Variants in PLCG2 observed in about 807,000 individuals in gnomAD.
PLCG2 encodes the protein 1-phosphatidylinositol 4,5-bisphosphate phosphodiesterase gamma-2.
PLCG2 carries 69 observed loss-of-function variants against 175.6 expected under a neutral mutation model. The observed-to-expected ratio is 0.39, with a 90% CI of 0.32 to 0.48. PLCG2 has a LOEUF of 0.48. PLCG2 is among the 20% of genes least tolerant of loss of function. PLCG2 has a pLI of 0.91. For synonymous variants in PLCG2, 827 were observed against 624.0 expected (o/e 1.33, Z -4.85); for missense variants, 1,798 against 1,650.9 (o/e 1.09, Z -1.54).
In PLCG2 at chr16:81,883,415, C is replaced by T. The variant is rs148529019; in HGVS notation, c.765+74C>T. Reference sequence around the variant, plus strand: ...CTGGGGACTAGTCTCACCCTTCTGCCGCCTGTGCTCACCTGGTCACCTGTG... The same window carrying T: ...CTGGGGACTAGTCTCACCCTTCTGCTGCCTGTGCTCACCTGGTCACCTGTG... On this transcript the variant is annotated intron_variant, in intron 9 of 32. Transcript: ENST00000564138. 5.9e-4 allele frequency: 736 copies of T among 1,246,214 alleles called. 1 individual carries two copies. The African/African-American group carries it at 8.1e-3, about 14-fold the overall frequency. The allele number at this position is 1,246,214 out of a possible 1,614,324, so 77.2% of individuals were successfully genotyped here.
intron 1 of PLCG2, chr16:81,740,129 C>G (rs1597299163): frequency 1.0e-5 from 1 of 100,204 alleles, no homozygotes; most frequent in African/African-American, 3.6e-5. Context: ...CAAAGCAAGA[C>G]TCTGTCTCCA....
At chr16:81,898,218 A>C (rs62044001) in intron 13 of PLCG2, 8,941 of 188,848 alleles carry the variant, frequency 0.047, 303 homozygotes, top group Non-Finnish European at 0.069. Flanking sequence ...GGAATCATCT[A>C]ACACCTATAG....
chr16:81,916,929 C>T (rs988086792), intron 19 of PLCG2, among the ~76,000 whole-genome samples: 7 of 152,320 alleles, frequency 4.6e-5, no homozygotes, highest in East Asian at 1.9e-4. Context: ...TGAGCCACCA[C>T]GCCCGGCCAG....
intron 23 of PLCG2, among the ~76,000 whole-genome samples, chr16:81,928,004 AG>A (rs1910347581): frequency 7.0e-6 from 1 of 141,882 alleles, no homozygotes; most frequent in East Asian, 2.2e-4. Context: ...GGTGCAGGCA[AG>A]GAGTGGATGC....
intron 2 of PLCG2, among the ~76,000 whole-genome samples, chr16:81,795,810 C>T (rs896716208): frequency 6.6e-5 from 10 of 152,152 alleles, no homozygotes. Flanking sequence ...AGTGATCCTC[C>T]TGCTTTGGCC....
intron 2 of PLCG2, among the ~76,000 whole-genome samples, chr16:81,759,753 A>G (rs1359901170): frequency 2.6e-5 from 4 of 152,364 alleles, no homozygotes; most frequent in Admixed American, 6.5e-5. Flanking sequence ...CTTAAATTGT[A>G]CGTTACCCAT....
At chr16:81,923,833 T>C (rs1910155293) in intron 22 of PLCG2, among the ~76,000 whole-genome samples, 1 of 152,232 alleles carries the variant, frequency 6.6e-6, no homozygotes, top group African/African-American at 2.4e-5. Flanking sequence ...ATTATTATAA[T>C]TACAACAGCA....
intron 2 of PLCG2, among the ~76,000 whole-genome samples, chr16:81,805,138 T>C (rs1050923846): frequency 2.6e-5 from 4 of 151,956 alleles, no homozygotes; most frequent in African/African-American, 7.3e-5. Context: ...AAGCCACAGA[T>C]AGGGGAAAAT....
At chr16:81,830,730 T>G (rs1373583288) in intron 2 of PLCG2, among the ~76,000 whole-genome samples, 2 of 151,922 alleles carry the variant, frequency 1.3e-5, no homozygotes, top group Non-Finnish European at 2.9e-5. Flanking sequence ...GGCAAAATCA[T>G]CTGCCAAGGG....
chr16:81,869,315 A>T lies in PLCG2; in HGVS notation c.564+17A>T. On this transcript the variant is annotated intron_variant, in intron 6 of 32. Transcript: ENST00000564138. ...AAGTTTGTGGTAAGTTTCATGGCTCAGCCTGGGAATTTTATGAATGCGGAG... is the reference window on the plus strand; with the variant it reads ...AAGTTTGTGGTAAGTTTCATGGCTCTGCCTGGGAATTTTATGAATGCGGAG... 6.3e-7 allele frequency: 1 copy of T among 1,582,104 alleles called. No individual in the cohort carries two copies. The highest frequency in any genetic ancestry group is 8.7e-7 in the Non-Finnish European group (1 of 1,150,818).
intron 14 of PLCG2, among the ~76,000 whole-genome samples, chr16:81,904,992 A>G (rs1205119101): frequency 6.6e-6 from 1 of 152,094 alleles, no homozygotes; most frequent in Non-Finnish European, 1.5e-5. Flanking sequence ...GGTTCAAGCA[A>G]TCTTACTGTC....
At chr16:81,800,416 C>T (rs1009855652) in intron 2 of PLCG2, among the ~76,000 whole-genome samples, 2 of 152,114 alleles carry the variant, frequency 1.3e-5, no homozygotes, top group African/African-American at 2.4e-5. Context: ...CTCCCTGTGT[C>T]CATGTGTTCT....
rs772402946 is a variant in PLCG2, at chr16:81,936,496, G to A, written c.3052+118G>A. The A allele has an allele frequency of 2.6e-4, 204 of 777,032 alleles. 1 individual carries two copies. The highest frequency in any genetic ancestry group is 2.1e-3 in the Admixed American group (106 of 49,428). 48.1% of individuals were successfully genotyped at this position (777,032 alleles called of 1,614,324 possible). ...GTCCAAGAATGAGTGATTTGTCCGA[G>A]GGACTGCACGGTTCAGCAGAGTAAT... On this transcript the variant is annotated intron_variant, in intron 27 of 32. Coordinates refer to ENST00000564138, the MANE Select transcript of PLCG2 (RefSeq NM_002661.5).
intron 2 of PLCG2, among the ~76,000 whole-genome samples, chr16:81,851,571 G>C (rs370389641): frequency 6.6e-6 from 1 of 152,132 alleles, no homozygotes; most frequent in African/African-American, 2.4e-5. Context: ...GGAGTGCAGT[G>C]GCGTGGTCTC....
chr16:81,918,788 C>T (rs533743611), intron 19 of PLCG2, among the ~76,000 whole-genome samples: 1 of 152,026 alleles, frequency 6.6e-6, no homozygotes, highest in Non-Finnish European at 1.5e-5. Context: ...AAATATTTTT[C>T]CAGATGTTTC....
intron 2 of PLCG2, among the ~76,000 whole-genome samples, chr16:81,849,578 G>A (rs1428270201): frequency 6.6e-6 from 1 of 151,952 alleles, no homozygotes; most frequent in Admixed American, 6.5e-5. Flanking sequence ...GACCTATATG[G>A]TGAAACCCTG....
chr16:81,846,641 G>C (rs1189614900), intron 2 of PLCG2, among the ~76,000 whole-genome samples: 1 of 152,234 alleles, frequency 6.6e-6, no homozygotes, highest in Non-Finnish European at 1.5e-5. Context: ...AAAAGATCAT[G>C]AGTAGATAGT....
At chr16:81,752,139 G>T (rs1230335314) in intron 1 of PLCG2, among the ~76,000 whole-genome samples, 1 of 152,276 alleles carries the variant, frequency 6.6e-6, no homozygotes, top group East Asian at 1.9e-4. Context: ...TGAACTATGA[G>T]CCTGCTGAGT....
intron 2 of PLCG2, among the ~76,000 whole-genome samples, chr16:81,789,030 G>A (rs1210938281): frequency 6.6e-6 from 1 of 152,154 alleles, no homozygotes. Context: ...CACCCAGGGG[G>A]GATCTTGTAA....
Sources: allele counts gnomAD v4.1 joint callset (sites outside exome capture counted in the v4.1 genomes callset), GRCh38; gene constraint gnomAD v4.1.1; transcripts MANE v1.5; gene names NCBI Gene and HGNC (gene_info 2026-07-23, HGNC 2026-07-21).